The following GALNT17 variants were observed in gnomAD, a reference collection of about 807,000 sequenced individuals.
GALNT17 encodes the protein polypeptide N-acetylgalactosaminyltransferase 17.
Under a neutral mutation model 63.7 loss-of-function variants are expected in GALNT17, and 29 were observed. The observed-to-expected ratio is 0.46, with a 90% confidence interval of 0.34 to 0.62. The LOEUF is 0.62. Among genes scored for constraint, GALNT17 ranks in the 20% least tolerant of loss-of-function variants. The pLI, the probability that GALNT17 is intolerant of heterozygous loss-of-function variation, is 0.01. For missense variants in GALNT17, 603 were observed against 799.6 expected, an observed-to-expected ratio of 0.75 and a Z score of 2.97; for synonymous variants, 305 against 318.3, an observed-to-expected ratio of 0.96 and a Z score of 0.45.
At chr7:71,203,814 A>T (rs1789219803) in intron 1 of GALNT17, among the ~76,000 whole-genome samples, 1 of 152,184 alleles carries the variant, frequency 6.6e-6, no homozygotes, top group South Asian at 2.1e-4. Flanking sequence ...CTTTTAAGTG[A>T]CAAATATCCA....
chr7:71,398,608 T>TC (rs1244426623), intron 3 of GALNT17, among the ~76,000 whole-genome samples: 2 of 152,202 alleles, frequency 1.3e-5, no homozygotes, highest in African/African-American at 4.8e-5. Flanking sequence ...TTGGAGGCTT[T>TC]CCTTAGATAT....
At chr7:71,667,754 C>CT in intron 7 of GALNT17, among the ~76,000 whole-genome samples, 1 of 152,200 alleles carries the variant, frequency 6.6e-6, no homozygotes, top group Non-Finnish European at 1.5e-5. Flanking sequence ...CACCCCAGCC[C>CT]TGTGAAATAG....
intron 9 of GALNT17, among the ~76,000 whole-genome samples, chr7:71,701,358 G>T (rs1414329172): frequency 6.6e-6 from 1 of 151,966 alleles, no homozygotes; most frequent in Non-Finnish European, 1.5e-5. Context: ...ATGGTGGCAG[G>T]TGCCTGTAAT....
chr7:71,178,481 C>T (rs769811188), intron 1 of GALNT17, among the ~76,000 whole-genome samples: 7 of 152,064 alleles, frequency 4.6e-5, no homozygotes, highest in Non-Finnish European at 1.0e-4. Flanking sequence ...TCTTTTCTGC[C>T]TTATTCTCTC....
At chr7:71,385,713 C>T (rs10265903) in intron 2 of GALNT17, among the ~76,000 whole-genome samples, 17,534 of 152,140 alleles carry the variant, frequency 0.12, 2,484 homozygotes, top group African/African-American at 0.33. Flanking sequence ...GCCATGGGCA[C>T]GGTGCACCTG....
chr7:71,445,150 G>C (rs1436340626), intron 5 of GALNT17, among the ~76,000 whole-genome samples: 5 of 151,638 alleles, frequency 3.3e-5, no homozygotes, highest in Admixed American at 6.6e-5. Context: ...CACCTCCCAG[G>C]GTGGAGCCAC....
At chr7:71,557,353 T>C (rs984796375) in intron 5 of GALNT17, among the ~76,000 whole-genome samples, 8 of 152,196 alleles carry the variant, frequency 5.3e-5, no homozygotes, top group Non-Finnish European at 1.0e-4. Flanking sequence ...CATTCTCGAA[T>C]GTACATCCTA....
intron 6 of GALNT17, among the ~76,000 whole-genome samples, chr7:71,633,423 C>A (rs759589589): frequency 2.6e-5 from 4 of 152,168 alleles, no homozygotes; most frequent in Non-Finnish European, 4.4e-5. Flanking sequence ...CGGGATAGCT[C>A]TCCTGTCGGC....
intron 5 of GALNT17, among the ~76,000 whole-genome samples, chr7:71,521,141 G>T (rs1467347068): frequency 1.3e-5 from 2 of 152,204 alleles, no homozygotes; most frequent in South Asian, 2.1e-4. Flanking sequence ...ACATATGTTT[G>T]GTATTGGATG....
At chr7:71,151,237 TAAAC>T (rs1190999152) in intron 1 of GALNT17, among the ~76,000 whole-genome samples, 4 of 152,290 alleles carry the variant, frequency 2.6e-5, no homozygotes, top group Admixed American at 6.5e-5. Context: ...TGATTGATCT[TAAAC>T]AATAAGTGGG....
At chr7:71,649,646 T>C (rs554610560) in intron 6 of GALNT17, among the ~76,000 whole-genome samples, 41 of 141,872 alleles carry the variant, frequency 2.9e-4, no homozygotes, top group Middle Eastern at 7.2e-3. Flanking sequence ...CACACACACA[T>C]ACACACCTTA....
intron 5 of GALNT17, among the ~76,000 whole-genome samples, chr7:71,421,778 C>A (rs929721780): frequency 1.3e-5 from 2 of 152,056 alleles, no homozygotes; most frequent in Admixed American, 6.6e-5. Flanking sequence ...GGCGAAACCC[C>A]TTCTCTACTA....
intron 1 of GALNT17, among the ~76,000 whole-genome samples, chr7:71,274,731 ACT>A (rs1398810123): frequency 2.0e-5 from 3 of 151,906 alleles, no homozygotes; most frequent in Non-Finnish European, 4.4e-5. Flanking sequence ...AGTACCTACA[ACT>A]CTGTGTTCTT....
At chr7:71,333,129 A>G (rs1023460268) in intron 1 of GALNT17, among the ~76,000 whole-genome samples, 1 of 152,212 alleles carries the variant, frequency 6.6e-6, no homozygotes, top group Non-Finnish European at 1.5e-5. Flanking sequence ...AGTGCTATAC[A>G]TATTAACAGT....
intron 1 of GALNT17, among the ~76,000 whole-genome samples, chr7:71,196,764 C>T (rs1789057074): frequency 6.6e-6 from 1 of 152,086 alleles, no homozygotes; most frequent in Non-Finnish European, 1.5e-5. Flanking sequence ...AGCGATTCTC[C>T]TGCCTCAGCC....
chr7:71,132,613 C>G lies in GALNT17; in HGVS notation c.-190C>G. On this transcript the variant is annotated 5_prime_UTR_variant, in exon 1 of 11. Coordinates refer to ENST00000333538, the MANE Select transcript of GALNT17 (RefSeq NM_022479.3). ...GCGAGGACTTCCATGTGAGCGATTCCGTTCTCCCCACCACCAATCCGACCT... is the reference window on the plus strand; with the variant it reads ...GCGAGGACTTCCATGTGAGCGATTCGGTTCTCCCCACCACCAATCCGACCT... 5 of 571,954 alleles carry G rather than the reference C, an allele frequency of 8.7e-6. No homozygotes were observed. The highest frequency in any genetic ancestry group is 1.5e-5 in the Non-Finnish European group (5 of 325,548). The allele number at this position is 571,954 out of a possible 1,614,324, so 35.4% of individuals were successfully genotyped here.
chr7:71,433,694 A>T (rs1395591540), intron 5 of GALNT17, among the ~76,000 whole-genome samples: 1 of 152,176 alleles, frequency 6.6e-6, no homozygotes, highest in Non-Finnish European at 1.5e-5. Context: ...CAGGTGATCC[A>T]ATCGGGGTCA....
rs574767132 is a variant in GALNT17 at position 71,294,871 on chromosome 7, A to C, written c.239-40679A>C. On this transcript the variant is annotated intron_variant, in intron 1 of 10. Coordinates refer to ENST00000333538, the MANE Select transcript of GALNT17 (RefSeq NM_022479.3). ...TTTGTTCATTTGCCCCCCTTTTCCA[A>C]GAATTTTGCATTATATATTTTGAAG... 1.2e-3 allele frequency among the ~76,000 whole-genome samples: 176 copies of C among 152,302 alleles called. 1 individual carries two copies. Among genetic ancestry groups the C allele is most frequent in the Non-Finnish European group, 2.5e-4 (17 of 68,026 alleles).
At chr7:71,669,929 G>A (rs1445705832) in intron 7 of GALNT17, 43 bp from the exon 8 acceptor site, 1 of 1,610,440 alleles carries the variant, frequency 6.2e-7, no homozygotes, top group Admixed American at 1.7e-5. Context: ...TCTGGCCAGA[G>A]CTCCACAGTC....
Sources: gnomAD v4.1 joint callset for allele counts (sites outside exome capture counted in the v4.1 genomes callset) on GRCh38, gnomAD v4.1.1 for gene constraint, MANE v1.5 for transcripts, NCBI Gene and HGNC (gene_info 2026-07-23, HGNC 2026-07-21) for gene names.